GFOD2: variants seen among roughly 807,000 people sequenced by gnomAD.
The protein encoded by GFOD2 is glucose-fructose oxidoreductase domain-containing protein 2.
A neutral mutation model predicts 24.6 loss-of-function variants in GFOD2; 9 were observed. That is an observed-to-expected ratio of 0.37 (90% confidence interval 0.22 to 0.64). The LOEUF (loss-of-function observed/expected upper bound fraction) is 0.64. GFOD2 is among the 30% of genes least tolerant of loss of function. The pLI, the probability that GFOD2 is intolerant of heterozygous loss-of-function variation, is 0.65. For missense variants in GFOD2, 476 were observed against 532.5 expected (o/e 0.89, Z 1.04); for synonymous variants, 211 against 224.8 (o/e 0.94, Z 0.55).
intron 2 of GFOD2, chr16:67,680,925 G>C: frequency 2.8e-5 from 28 of 985,414 alleles, no homozygotes; most frequent in Non-Finnish European, 3.4e-5. Flanking sequence ...ACAGGTACTA[G>C]CAGGACAATA....
At position 67,702,471 on chromosome 16, in the gene GFOD2, TA is replaced by T. The variant is rs558705693; in HGVS notation, c.-87-16670del. ...CCTGGGCAACAGAGTGACTCTGTCT[TA>T]AAAAAAAAAAAATTTACAATTTGGC... On this transcript the variant is annotated intron_variant, in intron 1 of 2. Coordinates refer to ENST00000268797, the MANE Select transcript of GFOD2 (RefSeq NM_030819.4). 6.9e-4 allele frequency among the ~76,000 whole-genome samples: 100 copies of T among 144,718 alleles called. 1 individual carries two copies. Among genetic ancestry groups the T allele is most frequent in the Middle Eastern group, 3.6e-3 (1 of 278 alleles). The allele number at this position is 144,718 out of a possible 152,430, so 94.9% of individuals were successfully genotyped here.
At chr16:67,687,491 A>T (rs2053276174) in intron 1 of GFOD2, among the ~76,000 whole-genome samples, 1 of 151,208 alleles carries the variant, frequency 6.6e-6, no homozygotes, top group Non-Finnish European at 1.5e-5. Flanking sequence ...AATACAAAAA[A>T]TTAGCCAGTT....
At chr16:67,691,883 GAAAACATA>G (rs2142995010) in intron 1 of GFOD2, among the ~76,000 whole-genome samples, 1 of 152,242 alleles carries the variant, frequency 6.6e-6, no homozygotes, top group South Asian at 2.1e-4. Context: ...GTTACCCTCT[GAAAACATA>G]CTGGAGGTTC....
At chr16:67,711,865 C>G (rs1475289714) in intron 1 of GFOD2, among the ~76,000 whole-genome samples, 1 of 152,172 alleles carries the variant, frequency 6.6e-6, no homozygotes, top group Non-Finnish European at 1.5e-5. Flanking sequence ...ATCCAAGAAC[C>G]TCTATTGTGC....
At chr16:67,718,632 T>C (rs1401912434) in intron 1 of GFOD2, among the ~76,000 whole-genome samples, 1 of 152,208 alleles carries the variant, frequency 6.6e-6, no homozygotes, top group Non-Finnish European at 1.5e-5. Context: ...ATAGGGCACA[T>C]GGGAGCTGGC....
At chr16:67,687,233 G>T (rs1181671042) in intron 1 of GFOD2, among the ~76,000 whole-genome samples, 3 of 151,184 alleles carry the variant, frequency 2.0e-5, no homozygotes, top group Non-Finnish European at 4.4e-5. Context: ...TTGCTATACA[G>T]ATTAAGTATA....
intron 2 of GFOD2, chr16:67,680,958 C>T: frequency 2.0e-6 from 2 of 985,450 alleles, no homozygotes; most frequent in Non-Finnish European, 2.4e-6. Context: ...CCAAGTGTCA[C>T]ATACCTGGGA....
chr16:67,679,146 G>GAC (rs1051474286), intron 2 of GFOD2, among the ~76,000 whole-genome samples: 7 of 152,128 alleles, frequency 4.6e-5, no homozygotes, highest in African/African-American at 9.7e-5. Context: ...CAGCATGGGT[G>GAC]ACAGAATGAG....
At chr16:67,708,738 C>T (rs1239461518) in intron 1 of GFOD2, among the ~76,000 whole-genome samples, 2 of 152,140 alleles carry the variant, frequency 1.3e-5, no homozygotes, top group Non-Finnish European at 2.9e-5. Flanking sequence ...AGCCCCAGAT[C>T]CAGCCCCACA....
At chr16:67,686,546 G>A (rs1409533052) in intron 1 of GFOD2, among the ~76,000 whole-genome samples, 2 of 151,998 alleles carry the variant, frequency 1.3e-5, no homozygotes, top group South Asian at 4.1e-4. Flanking sequence ...AAGAAGAGTG[G>A]AGGCCAGGCA....
chr16:67,701,085 T>A, intron 1 of GFOD2, among the ~76,000 whole-genome samples: 1 of 150,724 alleles, frequency 6.6e-6, no homozygotes, highest in Non-Finnish European at 1.5e-5. Context: ...TAAATACACA[T>A]TACAATGTCT....
At chr16:67,680,830 T>C (rs1162589049) in intron 2 of GFOD2, 3 of 983,772 alleles carry the variant, frequency 3.0e-6, no homozygotes, top group Non-Finnish European at 2.4e-6. Flanking sequence ...TTGTTACATA[T>C]GTATACATGT....
intron 2 of GFOD2, chr16:67,683,557 A>C (rs946426722): frequency 8.1e-7 from 1 of 1,231,772 alleles, no homozygotes; most frequent in Non-Finnish European, 1.0e-6. Context: ...GAATAACTCC[A>C]ATGTCACACA....
At chr16:67,698,103 C>G (rs903802069) in intron 1 of GFOD2, among the ~76,000 whole-genome samples, 1 of 152,160 alleles carries the variant, frequency 6.6e-6, no homozygotes, top group Non-Finnish European at 1.5e-5. Context: ...GGGAAAGAAC[C>G]AGGAAGAGAT....
chr16:67,685,310 A>C (rs2053257484), intron 2 of GFOD2, 147 bp downstream of exon 2: 3 of 1,472,740 alleles, frequency 2.0e-6, no homozygotes, highest in Non-Finnish European at 2.7e-6. Context: ...CTCCCCAAGC[A>C]CTGCTTCAGG....
intron 1 of GFOD2, among the ~76,000 whole-genome samples, chr16:67,699,646 G>A (rs1260976887): frequency 1.3e-5 from 2 of 151,994 alleles, no homozygotes; most frequent in Non-Finnish European, 2.9e-5. Context: ...ACCACGCCTG[G>A]CTAATTTTTG....
chr16:67,713,683 T>C (rs2053490757), intron 1 of GFOD2, among the ~76,000 whole-genome samples: 1 of 152,176 alleles, frequency 6.6e-6, no homozygotes, highest in Non-Finnish European at 1.5e-5. Context: ...GGGCAAGGTA[T>C]GGGGGAAGGG....
At chr16:67,709,707 T>G (rs1340817555) in intron 1 of GFOD2, among the ~76,000 whole-genome samples, 1 of 151,944 alleles carries the variant, frequency 6.6e-6, no homozygotes, top group East Asian at 1.9e-4. Flanking sequence ...CTCTGCCTCC[T>G]GGGTTCAAGC....
At chr16:67,678,328 T>C (rs1290348180) in intron 2 of GFOD2, among the ~76,000 whole-genome samples, 1 of 151,896 alleles carries the variant, frequency 6.6e-6, no homozygotes, top group Non-Finnish European at 1.5e-5. Context: ...AATACAAAAT[T>C]CGCTGGGCGT....
Sources: gnomAD v4.1 joint callset for allele counts (sites outside exome capture counted in the v4.1 genomes callset) on GRCh38, gnomAD v4.1.1 for gene constraint, MANE v1.5 for transcripts, NCBI Gene and HGNC (gene_info 2026-07-23, HGNC 2026-07-21) for gene names.